The following MEI4 variants were observed in gnomAD, a reference collection of about 807,000 sequenced individuals.
The protein encoded by MEI4 is meiotic double-stranded break formation protein 4.
Under a neutral mutation model 31.4 loss-of-function variants are expected in MEI4, and 27 were observed. That is an observed-to-expected ratio of 0.86 (90% CI 0.63 to 1.19). MEI4 has a LOEUF of 1.19. MEI4 is among the 50% of genes most tolerant of loss of function. The probability of loss-of-function intolerance (pLI) is 0.00; values close to 1 mark genes in which losing one functional copy is unlikely to be tolerated. For synonymous variants in MEI4, 122 were observed against 145.4 expected (o/e 0.84, Z 1.16); for missense variants, 329 against 398.9 (o/e 0.82, Z 1.49).
chr6:77,916,849 A>G (rs1483202311), intron 4 of MEI4, among the ~76,000 whole-genome samples: 7 of 151,550 alleles, frequency 4.6e-5, no homozygotes, highest in East Asian at 2.0e-4. Flanking sequence ...TACATGTGGC[A>G]TGCTGGTGCA....
intron 3 of MEI4, among the ~76,000 whole-genome samples, chr6:77,795,992 C>T (rs1582153516): frequency 6.6e-6 from 1 of 152,188 alleles, no homozygotes; most frequent in Non-Finnish European, 1.5e-5. Flanking sequence ...TACATATATG[C>T]AAAATGCACA....
At chr6:77,694,033 A>G (rs1251507951) in intron 2 of MEI4, among the ~76,000 whole-genome samples, 2 of 152,106 alleles carry the variant, frequency 1.3e-5, no homozygotes, top group African/African-American at 4.8e-5. Flanking sequence ...TAAATAAAGC[A>G]AAGCCAAAAT....
intron 3 of MEI4, among the ~76,000 whole-genome samples, chr6:77,814,907 A>G (rs576258761): frequency 6.6e-4 from 101 of 152,056 alleles, no homozygotes; most frequent in Non-Finnish European, 1.1e-3. Flanking sequence ...TGGCAAAATA[A>G]ATTTCTAAGT....
intron 4 of MEI4, among the ~76,000 whole-genome samples, chr6:77,918,146 T>C (rs1293207473): frequency 6.6e-6 from 1 of 150,730 alleles, no homozygotes; most frequent in Non-Finnish European, 1.5e-5. Flanking sequence ...TTGGTACCAG[T>C]ACCATGCTGT....
chr6:77,678,309 C>A (rs1376854527), intron 1 of MEI4, among the ~76,000 whole-genome samples: 1 of 152,190 alleles, frequency 6.6e-6, no homozygotes, highest in Non-Finnish European at 1.5e-5. Context: ...GTGATGTCAG[C>A]TTGAGGCCAG....
chr6:77,713,043 T>C lies in MEI4; in HGVS notation c.232+22140T>C, dbSNP rs563698696. 4.5e-4 allele frequency among the ~76,000 whole-genome samples: 68 copies of C among 151,840 alleles called. 1 individual carries two copies. Among genetic ancestry groups the C allele is most frequent in the African/African-American group, 1.6e-3 (66 of 41,402 alleles). ...CGAAGATGAATTCTTGGAGACACAGTGCTTATTGGAAAGAGCACTCTTTCC... is the reference window on the plus strand; with the variant it reads ...CGAAGATGAATTCTTGGAGACACAGCGCTTATTGGAAAGAGCACTCTTTCC... On this transcript the variant is annotated intron_variant, in intron 2 of 4. Transcript: ENST00000684080.
chr6:77,787,358 T>A (rs1768767827), intron 3 of MEI4, among the ~76,000 whole-genome samples: 1 of 152,128 alleles, frequency 6.6e-6, no homozygotes, highest in African/African-American at 2.4e-5. Flanking sequence ...ATGACCAAGG[T>A]TCTGAAGCCA....
intron 2 of MEI4, among the ~76,000 whole-genome samples, chr6:77,736,890 C>T (rs771704730): frequency 1.8e-4 from 27 of 151,312 alleles, no homozygotes; most frequent in East Asian, 1.9e-4. Context: ...AGTTGCTTGC[C>T]TTTAAGGATG....
chr6:77,827,452 G>T (rs904571073), intron 3 of MEI4, among the ~76,000 whole-genome samples: 1 of 150,772 alleles, frequency 6.6e-6, no homozygotes, highest in Admixed American at 6.6e-5. Flanking sequence ...CACCTCAGCT[G>T]CTATCTGTAG....
At chr6:77,694,677 C>G (rs9443444) in intron 2 of MEI4, among the ~76,000 whole-genome samples, 1,924 of 151,922 alleles carry the variant, frequency 0.013, 45 homozygotes, top group African/African-American at 0.044. Flanking sequence ...GGACATTTGG[C>G]TTGGTTCCAA....
intron 2 of MEI4, among the ~76,000 whole-genome samples, chr6:77,748,306 A>G (rs564534898): frequency 9.5e-4 from 145 of 152,324 alleles, no homozygotes; most frequent in Non-Finnish European, 1.4e-3. Context: ...AGGCATTTCC[A>G]TACATCCTCT....
intron 4 of MEI4, among the ~76,000 whole-genome samples, chr6:77,835,466 G>A (rs1770197766): frequency 6.7e-6 from 1 of 149,984 alleles, no homozygotes; most frequent in Non-Finnish European, 1.5e-5. Flanking sequence ...AAAAAATGGG[G>A]AGAAACCTAA....
intron 2 of MEI4, among the ~76,000 whole-genome samples, chr6:77,740,385 A>G (rs529141826): frequency 1.3e-5 from 2 of 152,240 alleles, no homozygotes; most frequent in African/African-American, 2.4e-5. Context: ...TGCTTTAATG[A>G]TCTGTCTAAT....
chr6:77,714,153 G>C (rs1473978423), intron 2 of MEI4, among the ~76,000 whole-genome samples: 1 of 151,426 alleles, frequency 6.6e-6, no homozygotes, highest in East Asian at 1.9e-4. Context: ...CATTTAGATT[G>C]ATTCTATGTC....
chr6:77,706,223 G>A (rs1033244963), intron 2 of MEI4, among the ~76,000 whole-genome samples: 8 of 152,104 alleles, frequency 5.3e-5, no homozygotes, highest in African/African-American at 1.9e-4. Flanking sequence ...TGTAAGAGCT[G>A]ACCATAGGGA....
intron 4 of MEI4, among the ~76,000 whole-genome samples, chr6:77,913,012 C>A (rs1766465488): frequency 1.3e-5 from 2 of 151,976 alleles, no homozygotes; most frequent in African/African-American, 4.8e-5. Flanking sequence ...TGAACTTTCC[C>A]ATTATGAAAA....
chr6:77,808,290 G>C (rs1438576767), intron 3 of MEI4, among the ~76,000 whole-genome samples: 4 of 152,206 alleles, frequency 2.6e-5, no homozygotes, highest in African/African-American at 9.6e-5. Flanking sequence ...TGTGATTCCA[G>C]TTTTGTTTTG....
At chr6:77,922,101 G>T (rs1365478226) in intron 4 of MEI4, among the ~76,000 whole-genome samples, 1 of 151,438 alleles carries the variant, frequency 6.6e-6, no homozygotes. Context: ...CTAAAATGAG[G>T]TATGCCTGTA....
At chr6:77,734,088 A>G (rs1288598186) in intron 2 of MEI4, among the ~76,000 whole-genome samples, 1 of 151,968 alleles carries the variant, frequency 6.6e-6, no homozygotes, top group African/African-American at 2.4e-5. Context: ...GTGGTGCTGA[A>G]AAAAATGTAT....
Sources: gnomAD v4.1 joint callset for allele counts (sites outside exome capture counted in the v4.1 genomes callset) on GRCh38, gnomAD v4.1.1 for gene constraint, MANE v1.5 for transcripts, NCBI Gene and HGNC (gene_info 2026-07-23, HGNC 2026-07-21) for gene names.